The following IPO7 variants were observed in gnomAD, a reference collection of about 807,000 sequenced individuals.
The protein encoded by IPO7 is importin-7.
IPO7 carries 13 observed loss-of-function variants against 136.4 expected under a neutral mutation model. The ratio of observed to expected loss-of-function variants is 0.10; its 90% CI spans 0.06 to 0.15. IPO7 has a LOEUF of 0.15. Ranked by LOEUF, IPO7 falls within the 10% of genes least tolerant of loss-of-function variation. The pLI, the probability that IPO7 is intolerant of heterozygous loss-of-function variation, is 1.00. For missense variants in IPO7, 857 were observed against 1,240.6 expected (o/e 0.69, Z 4.65); for synonymous variants, 403 against 404.4 (o/e 1.00, Z 0.04).
intron 1 of IPO7, among the ~76,000 whole-genome samples, chr11:9,386,235 C>T (rs1376311835): frequency 1.3e-5 from 2 of 152,082 alleles, no homozygotes; most frequent in Admixed American, 6.6e-5. Flanking sequence ...TAAATGAGAT[C>T]ATTATTATAC....
At chr11:9,407,036 A>G (rs1194283722) in intron 2 of IPO7, among the ~76,000 whole-genome samples, 1 of 152,220 alleles carries the variant, frequency 6.6e-6, no homozygotes, top group South Asian at 2.1e-4. Context: ...TTACAGTGCA[A>G]TTCCAAATTC....
At chr11:9,438,353 G>A (rs953148370) in intron 22 of IPO7, 68 bp downstream of exon 22, 32 of 1,014,912 alleles carry the variant, frequency 3.2e-5, no homozygotes, top group African/African-American at 6.3e-5. Flanking sequence ...TGGGCCGGGC[G>A]CAGTGGCTCA....
Position 9,440,762 on chromosome 11 carries a change from C to G in IPO7, c.2902+101C>G, listed in dbSNP as rs1855450879. Reference sequence around the variant, plus strand: ...GAGTTTGGAGGATATCAAACCCAGACTAGAAAAGGCTGGTTAGGCAAAGTA... The same window carrying G: ...GAGTTTGGAGGATATCAAACCCAGAGTAGAAAAGGCTGGTTAGGCAAAGTA... On this transcript the variant is annotated intron_variant, in intron 23 of 24. Transcript: ENST00000379719. The G allele has an allele frequency of 1.1e-5, 10 of 937,884 alleles. No homozygotes were observed. In the South Asian group the frequency reaches 1.2e-4, roughly 11 times the overall value. The allele number at this position is 937,884 out of a possible 1,614,324, so 58.1% of individuals were successfully genotyped here.
rs34260285 is a variant in IPO7, at chr11:9,408,220, T to TA, written c.167-257dup. Among the ~76,000 whole-genome samples, 909 of 150,972 alleles carry TA rather than the reference T, an allele frequency of 6.0e-3. 9 individuals are homozygous for TA. Among genetic ancestry groups the TA allele is most frequent in the Non-Finnish European group, 8.5e-3 (577 of 67,632 alleles). On this transcript the variant is annotated intron_variant, in intron 2 of 24. Coordinates refer to ENST00000379719, the MANE Select transcript of IPO7 (RefSeq NM_006391.3). ...AACAGGGTTAAAAGTGTTGTGACGT[T>TA]AAAAAAAAACAGTTTTCTCTGGGGT...
chr11:9,432,917 C>T (rs1472115480), intron 16 of IPO7, among the ~76,000 whole-genome samples: 7 of 151,158 alleles, frequency 4.6e-5, no homozygotes, highest in East Asian at 1.9e-4. Context: ...GAGTCATTGA[C>T]GGTGACTTTT....
At chr11:9,432,367 A>G (rs542963796) in intron 16 of IPO7, among the ~76,000 whole-genome samples, 3 of 152,014 alleles carry the variant, frequency 2.0e-5, no homozygotes, top group South Asian at 4.2e-4. Flanking sequence ...ATGCCCAGCT[A>G]ATTTTTCTAT....
chr11:9,423,923 G>C, intron 10 of IPO7, 47 bp downstream of exon 10: 4 of 1,097,050 alleles, frequency 3.6e-6, no homozygotes, highest in Non-Finnish European at 5.6e-6. Context: ...CAGTAATTAA[G>C]ATTACAGTGA....
chr11:9,385,888 A>T (rs971207436), intron 1 of IPO7, among the ~76,000 whole-genome samples: 2 of 152,224 alleles, frequency 1.3e-5, no homozygotes, highest in African/African-American at 4.8e-5. Context: ...GGGCTGCTGT[A>T]ACTTTTCTGC....
intron 1 of IPO7, among the ~76,000 whole-genome samples, chr11:9,402,399 C>CAAAAAAAAAAAAAAAAAAAAA (rs71062846): frequency 8.9e-5 from 4 of 44,896 alleles, no homozygotes; most frequent in African/African-American, 4.8e-4. Flanking sequence ...GACTGTGTCT[C>CAAAAAAAAAAAAAAAAAAAAA]AAAAAAAAAA....
Position 9,408,495 on chromosome 11 carries a change from A to G in IPO7, c.176A>G (p.Tyr59Cys). ...CTGATCTGTATTTTAGGTGTTATCT[A>G]TCTGAAAAATATGATAACACAGTAT... ...DLPVRQAGVI[Y>C]LKNMITQYWP... Residue 59 changes from tyrosine (Y) to cysteine (C), a missense_variant, in exon 3 of 25, where the codon TAT (tyrosine) becomes TGT (cysteine). By Grantham distance (194) the Tyr-to-Cys change is radical (BLOSUM62 -2). Transcript: ENST00000379719. The G allele has an allele frequency of 1.3e-6, 2 of 1,562,042 alleles. No homozygotes were observed. Among genetic ancestry groups the G allele is most frequent in the Non-Finnish European group, 1.7e-6 (2 of 1,157,440 alleles).
intron 12 of IPO7, among the ~76,000 whole-genome samples, chr11:9,426,905 C>A (rs954222533): frequency 9.6e-6 from 1 of 104,020 alleles, no homozygotes; most frequent in African/African-American, 2.9e-5. Flanking sequence ...ATTTCCGCCT[C>A]CCCGCCCCCC....
chr11:9,423,463 T>C (rs1275459686), intron 9 of IPO7, among the ~76,000 whole-genome samples: 2 of 152,232 alleles, frequency 1.3e-5, no homozygotes, highest in Non-Finnish European at 2.9e-5. Flanking sequence ...TCATTTCTAG[T>C]ATAAATGACT....
At chr11:9,385,639 G>T (rs1480855281) in intron 1 of IPO7, among the ~76,000 whole-genome samples, 3 of 152,128 alleles carry the variant, frequency 2.0e-5, no homozygotes, top group Non-Finnish European at 4.4e-5. Context: ...CAGAGTTGCT[G>T]TGACAGACAG....
At chr11:9,422,897 C>G in intron 8 of IPO7, 109 bp from the exon 9 acceptor site, 12 of 573,194 alleles carry the variant, frequency 2.1e-5, no homozygotes, top group African/African-American at 1.9e-5. Context: ...GGTTGTTTTT[C>G]TTGATGATGA....
chr11:9,401,087 A>G (rs1854788485), intron 1 of IPO7, among the ~76,000 whole-genome samples: 6 of 152,066 alleles, frequency 3.9e-5, no homozygotes, highest in Admixed American at 3.9e-4. Context: ...AGGCTGAGGC[A>G]GGAGAATTGC....
At position 9,397,361 on chromosome 11, in the gene IPO7, T is replaced by TTA. The variant is rs1554952674; in HGVS notation, c.85-5929_85-5928insTA. ...AAAAAAATATATATATATATATATATATATTAGTCGGGCACGGTGGCAGGT... is the reference window on the plus strand; with the variant it reads ...AAAAAAATATATATATATATATATATTAATATTAGTCGGGCACGGTGGCAGGT... On this transcript the variant is annotated intron_variant, in intron 1 of 24. Transcript: ENST00000379719. Among the ~76,000 whole-genome samples the TTA allele has an allele frequency of 2.2e-3, 93 of 42,280 alleles. 13 individuals are homozygous for TTA. Among genetic ancestry groups the TTA allele is most frequent in the South Asian group, 8.2e-3 (8 of 974 alleles). 27.7% of individuals were successfully genotyped at this position (42,280 alleles called of 152,430 possible). A position where few individuals can be genotyped will look rare whatever the true frequency, so the allele number is the denominator to read the frequency against.
At chr11:9,428,875 T>C (rs771516743) in intron 13 of IPO7, 156 bp from the exon 14 acceptor site, 1 of 807,522 alleles carries the variant, frequency 1.2e-6, no homozygotes, top group South Asian at 1.3e-5. Context: ...GGCCAAAGAG[T>C]AACTTGGGAT....
chr11:9,406,374 G>A (rs765923398), intron 2 of IPO7, among the ~76,000 whole-genome samples: 1 of 151,944 alleles, frequency 6.6e-6, no homozygotes, highest in Non-Finnish European at 1.5e-5. Flanking sequence ...CCCGTTTTTA[G>A]ATAAGAGTCT....
intron 13 of IPO7, 138 bp from the exon 14 acceptor site, chr11:9,428,893 C>G: frequency 2.4e-6 from 2 of 827,530 alleles, no homozygotes; most frequent in Non-Finnish European, 4.3e-6. Context: ...GATCATAGTA[C>G]TGGTCTAGTG....
Sources: gnomAD v4.1 joint callset for allele counts (sites outside exome capture counted in the v4.1 genomes callset) on GRCh38, gnomAD v4.1.1 for gene constraint, MANE v1.5 for transcripts, NCBI Gene and HGNC (gene_info 2026-07-23, HGNC 2026-07-21) for gene names.